Variants in ZRANB3 observed in about 807,000 individuals in gnomAD.
The protein encoded by ZRANB3 is DNA annealing helicase and endonuclease ZRANB3.
In ZRANB3, 125 loss-of-function variants were observed where a neutral mutation model predicts 133.8. That is an observed-to-expected ratio of 0.93 (90% CI 0.81 to 1.08). ZRANB3 has a LOEUF of 1.08. Ranked by LOEUF, ZRANB3 falls within the 50% of genes least tolerant of loss-of-function variation. The pLI is 0.00. For synonymous variants in ZRANB3, 387 were observed against 432.7 expected (o/e 0.89, Z 1.31); for missense variants, 1,229 against 1,275.5 (o/e 0.96, Z 0.56).
intron 12 of ZRANB3, among the ~76,000 whole-genome samples, chr2:135,236,802 A>G (rs1380567684): frequency 6.6e-6 from 1 of 152,248 alleles, no homozygotes; most frequent in South Asian, 2.1e-4. Flanking sequence ...GATGGATTAA[A>G]GACTTACCAT....
At chr2:135,214,384 A>G (rs1694223393) in intron 17 of ZRANB3, among the ~76,000 whole-genome samples, 1 of 151,874 alleles carries the variant, frequency 6.6e-6, no homozygotes, top group Admixed American at 6.6e-5. Context: ...TATCCTTAAT[A>G]TATTATGTAT....
At chr2:135,502,615 C>T (rs574584851) in intron 2 of ZRANB3, among the ~76,000 whole-genome samples, 4 of 152,150 alleles carry the variant, frequency 2.6e-5, no homozygotes, top group Non-Finnish European at 5.9e-5. Context: ...CTAAAGCGTA[C>T]GTTCTTTCTA....
chr2:135,321,427 TTAACTGTTTTTA>T (rs1254844451), intron 6 of ZRANB3, among the ~76,000 whole-genome samples: 1 of 152,136 alleles, frequency 6.6e-6, no homozygotes, highest in Non-Finnish European at 1.5e-5. Context: ...TCTAAATCTT[TTAACTGTTTTTA>T]AAATTATTTT....
chr2:135,271,236 TCTACATAAGAGAA>T, intron 10 of ZRANB3: 1 of 461,912 alleles, frequency 2.2e-6, no homozygotes, highest in Non-Finnish European at 4.5e-6. Context: ...GCCTGGACTG[TCTACATAAGAGAA>T]TTAAACTTTG....
chr2:135,230,865 CT>C lies in ZRANB3; in HGVS notation c.1601del (p.Gln534ArgfsTer2). ...SFFVPQPKKR[Q>X]LMTSCDESKR... is the part of the protein sequence containing the mutation. ...TTGATTCGTCACAGGAGGTCATCAA[CT>C]GTCTTTTTTTAGGTTGTGGTACAAA... On this transcript the variant is annotated frameshift_variant, in exon 13 of 21. Transcript: ENST00000264159. LOFTEE classifies it high-confidence loss of function. 5 of 1,598,832 alleles carry C rather than the reference CT, an allele frequency of 3.1e-6. No individual in the cohort carries two copies. Among genetic ancestry groups the C allele is most frequent in the Non-Finnish European group, 4.3e-6 (5 of 1,174,846 alleles).
intron 10 of ZRANB3, among the ~76,000 whole-genome samples, chr2:135,270,750 T>C (rs1680474849): frequency 6.6e-6 from 1 of 152,244 alleles, no homozygotes; most frequent in Non-Finnish European, 1.5e-5. Flanking sequence ...TATAATTTTA[T>C]ATACTTTAAT....
intron 3 of ZRANB3, among the ~76,000 whole-genome samples, chr2:135,364,733 T>C (rs1414782530): frequency 6.6e-6 from 1 of 151,708 alleles, no homozygotes; most frequent in Non-Finnish European, 1.5e-5. Flanking sequence ...GCCTAGGCTA[T>C]GACAGAGAGA....
At chr2:135,389,463 T>C (rs1687125837) in intron 3 of ZRANB3, among the ~76,000 whole-genome samples, 1 of 152,128 alleles carries the variant, frequency 6.6e-6, no homozygotes, top group Admixed American at 6.5e-5. Context: ...TCCCAGGACT[T>C]TGGGAGGCTG....
At chr2:135,352,414 C>G (rs1685250795) in intron 4 of ZRANB3, among the ~76,000 whole-genome samples, 1 of 151,748 alleles carries the variant, frequency 6.6e-6, no homozygotes. Context: ...TTAAAAAATT[C>G]TACATTCTCT....
chr2:135,353,649 A>C, intron 3 of ZRANB3, 21 bp from the exon 4 acceptor site: 1 of 1,372,012 alleles, frequency 7.3e-7, no homozygotes, highest in Non-Finnish European at 9.6e-7. Flanking sequence ...AAATAAATAA[A>C]TGTTAATAAT....
In ZRANB3 at chr2:135,199,015, T is replaced by C. The variant is rs1693511024; in HGVS notation, c.*1327A>G. 1 of 152,252 alleles carries C rather than the reference T, an allele frequency of 6.6e-6. No individual in the cohort carries two copies. The highest frequency in any genetic ancestry group is 2.4e-5 in the African/African-American group (1 of 41,472). The allele number at this position is 152,252 out of a possible 1,614,324, so 9.4% of individuals were successfully genotyped here. ...TTCTTCCTCGGTCCTGTATTTTGTATAGTTCTGACTCTTTGCCCTCATGAT... is the reference window on the plus strand; with the variant it reads ...TTCTTCCTCGGTCCTGTATTTTGTACAGTTCTGACTCTTTGCCCTCATGAT... On this transcript the variant is annotated 3_prime_UTR_variant, in exon 21 of 21. Transcript: ENST00000264159.
chr2:135,419,031 G>A lies in ZRANB3; in HGVS notation c.162-28211C>T, dbSNP rs568186952. Among the ~76,000 whole-genome samples, 42 of 135,804 alleles carry A rather than the reference G, an allele frequency of 3.1e-4. No homozygotes were observed. In the South Asian group the frequency reaches 7.1e-3, roughly 23 times the overall value. The allele number at this position is 135,804 out of a possible 152,430, so 89.1% of individuals were successfully genotyped here. A position where few individuals can be genotyped will look rare whatever the true frequency, so the allele number is the denominator to read the frequency against. ...CGGCTCGCTGCAATCTCTGCCTCCCGGGTTCACGCCATTCTCCTGTCTCAG... is the reference window on the plus strand; with the variant it reads ...CGGCTCGCTGCAATCTCTGCCTCCCAGGTTCACGCCATTCTCCTGTCTCAG... On this transcript the variant is annotated intron_variant, in intron 2 of 20. Transcript: ENST00000264159.
intron 1 of ZRANB3, among the ~76,000 whole-genome samples, chr2:135,519,509 A>G (rs146996801): frequency 2.0e-5 from 3 of 152,290 alleles, no homozygotes; most frequent in Non-Finnish European, 2.9e-5. Context: ...TGTAGCTAAC[A>G]GCAGAAGTAA....
chr2:135,295,957 T>G (rs1049665702), intron 8 of ZRANB3, among the ~76,000 whole-genome samples: 6 of 152,260 alleles, frequency 3.9e-5, no homozygotes, highest in Non-Finnish European at 8.8e-5. Context: ...GCTGTTAGTC[T>G]GATGGGCTTC....
intron 12 of ZRANB3, among the ~76,000 whole-genome samples, chr2:135,245,997 G>T (rs72982314): frequency 0.22 from 28,162 of 127,008 alleles, 5,998 homozygotes; most frequent in African/African-American, 0.57. Context: ...CTTGTGGTTT[G>T]AATAGCTCCA....
chr2:135,363,283 T>A (rs1409161390), intron 3 of ZRANB3, among the ~76,000 whole-genome samples: 1 of 152,168 alleles, frequency 6.6e-6, no homozygotes, highest in Non-Finnish European at 1.5e-5. Context: ...TCTTCCTGCC[T>A]CAGCCTCCCA....
intron 8 of ZRANB3, among the ~76,000 whole-genome samples, chr2:135,292,447 G>T (rs1681799934): frequency 6.6e-6 from 1 of 152,022 alleles, no homozygotes; most frequent in African/African-American, 2.4e-5. Flanking sequence ...GGGGTTGTTT[G>T]TTTTTTCTTG....
At chr2:135,390,081 G>A (rs995625622) in intron 3 of ZRANB3, among the ~76,000 whole-genome samples, 3 of 151,690 alleles carry the variant, frequency 2.0e-5, no homozygotes, top group East Asian at 3.9e-4. Context: ...GGGTTTCACC[G>A]TGTTAGCCAG....
chr2:135,509,401 G>A (rs888646635), intron 1 of ZRANB3, among the ~76,000 whole-genome samples: 4 of 152,054 alleles, frequency 2.6e-5, no homozygotes, highest in African/African-American at 9.7e-5. Context: ...AGACATACAA[G>A]GTGATAAAAG....
Sources: gnomAD v4.1 joint callset for allele counts (sites outside exome capture counted in the v4.1 genomes callset) on GRCh38, gnomAD v4.1.1 for gene constraint, MANE v1.5 for transcripts, NCBI Gene and HGNC (gene_info 2026-07-23, HGNC 2026-07-21) for gene names.